Variants in CHCHD7 observed in about 807,000 individuals in gnomAD.
CHCHD7 encodes the protein coiled-coil-helix-coiled-coil-helix domain containing 7.
Under a neutral mutation model 10.5 loss-of-function variants are expected in CHCHD7, and 7 were observed. The ratio of observed to expected loss-of-function variants is 0.67; its 90% confidence interval spans 0.38 to 1.25. The LOEUF (loss-of-function observed/expected upper bound fraction) is 1.25, where lower values mean the gene tolerates loss of function less well. Ranked by LOEUF, CHCHD7 falls within the 50% of genes most tolerant of loss-of-function variation. The pLI is 0.02. For synonymous variants in CHCHD7, 40 were observed against 36.0 expected (o/e 1.11, Z -0.40); for missense variants, 100 against 104.5 (o/e 0.96, Z 0.19).
chr8:56,212,023 G>A (rs1489892860), intron 1 of CHCHD7, 186 bp downstream of exon 1: 2 of 152,856 alleles, frequency 1.3e-5, no homozygotes, highest in African/African-American at 2.4e-5. Flanking sequence ...TCGCTCCGGG[G>A]GCGAGGAAGA....
chr8:56,214,656 C>T lies in CHCHD7; in HGVS notation c.43C>T (p.Pro15Ser), dbSNP rs985304961. 1 of 1,612,928 alleles carries T rather than the reference C, an allele frequency of 6.2e-7. No individual in the cohort carries two copies. The change falls in exon 2 of 4, where the codon CCT becomes TCT. Residue 15 changes from proline to serine, a missense_variant. Transcript: ENST00000355315. ...GAGGCTGAGAGATCCTGACATAAATCCTTGTTTGTCGGTAGGATGGTTTGC... is the reference window on the plus strand; with the variant it reads ...GAGGCTGAGAGATCCTGACATAAATTCTTGTTTGTCGGTAGGATGGTTTGC... ...TQRLRDPDINPCLSESDASTR... is the reference protein window; with the variant it reads ...TQRLRDPDINSCLSESDASTR...
At chr8:56,214,689 T>G in intron 2 of CHCHD7, 22 bp downstream of exon 2, 1 of 1,598,982 alleles carries the variant, frequency 6.3e-7, no homozygotes, top group Admixed American at 1.7e-5. Flanking sequence ...TGCTTTAATT[T>G]TCATGAGTGT....
At chr8:56,214,473 G>A in intron 1 of CHCHD7, 125 bp from the exon 2 acceptor site, 2 of 623,464 alleles carry the variant, frequency 3.2e-6, no homozygotes, top group East Asian at 2.8e-5. Flanking sequence ...GAGAATACAT[G>A]AAGTTCCTCA....
chr8:56,212,956 G>GTAT lies in CHCHD7; in HGVS notation c.-17+1119_-17+1120insTAT, dbSNP rs759857881. 1.7e-5 allele frequency: 21 copies of GTAT among 1,210,064 alleles called. No individual in the cohort carries two copies. The African/African-American group carries it at 3.2e-4, about 18-fold the overall frequency. The allele number at this position is 1,210,064 out of a possible 1,614,324, so 75.0% of individuals were successfully genotyped here. On this transcript the variant is annotated intron_variant, in intron 1 of 3. Coordinates refer to ENST00000355315, the MANE Select transcript of CHCHD7 (RefSeq NM_001011671.3). ...TGACTGACAATAAAATATAGAGTAGGATACTTTCATGTAAGGCACGAAACT... is the reference window on the plus strand; with the variant it reads ...TGACTGACAATAAAATATAGAGTAGGTATATACTTTCATGTAAGGCACGAAACT...
Position 56,214,654 on chromosome 8 carries a change from A to G in CHCHD7, c.41A>G (p.Asn14Ser). 6.2e-7 allele frequency: 1 copy of G among 1,613,488 alleles called. No individual in the cohort carries two copies. Among genetic ancestry groups the G allele is most frequent in the South Asian group, 1.1e-5 (1 of 91,034 alleles). The change falls in exon 2 of 4, where the codon AAT (asparagine) becomes AGT (serine). Residue 14 changes from asparagine to serine, a missense_variant. Transcript: ENST00000355315. ...CAGAGGCTGAGAGATCCTGACATAA[A>G]TCCTTGTTTGTCGGTAGGATGGTTT... is the stretch of plus-strand genomic sequence containing the variant. ...VTQRLRDPDI[N>S]PCLSESDAST...
At chr8:56,216,704 T>C (rs750174958) in intron 3 of CHCHD7, 173 bp downstream of exon 3, 1 of 754,972 alleles carries the variant, frequency 1.3e-6, no homozygotes, top group Admixed American at 2.0e-5. Flanking sequence ...TGAGAGCTCT[T>C]GTTAGCTGCC....
At chr8:56,217,006 A>G in intron 3 of CHCHD7, 1 of 420,522 alleles carries the variant, frequency 2.4e-6, no homozygotes, top group South Asian at 2.3e-5. Flanking sequence ...CGCTTTGCTA[A>G]ATGCACTGTT....
In CHCHD7 at chr8:56,216,420, T is replaced by A. The variant is rs866530233; in HGVS notation, c.55-13T>A. The A allele has an allele frequency of 6.2e-7, 1 of 1,614,170 alleles. No homozygotes were observed. Among genetic ancestry groups the A allele is most frequent in the African/African-American group, 1.3e-5 (1 of 75,066 alleles). Reference sequence around the variant, plus strand: ...TTCTACCTTTTAAATGATGCCTCTCTTATATCTGTAAGGAATCTGATGCTT... The same window carrying A: ...TTCTACCTTTTAAATGATGCCTCTCATATATCTGTAAGGAATCTGATGCTT... On this transcript the variant is annotated splice_polypyrimidine_tract_variant and intron_variant, in intron 2 of 3. Transcript: ENST00000355315.
chr8:56,214,795 C>A, intron 2 of CHCHD7, 128 bp downstream of exon 2: 2 of 631,926 alleles, frequency 3.2e-6, no homozygotes, highest in Non-Finnish European at 2.8e-6. Context: ...TGTTGGCCAG[C>A]ATATCCTATT....
intron 3 of CHCHD7, among the ~76,000 whole-genome samples, 180 bp from the exon 4 acceptor site, chr8:56,217,150 AC>A (rs1161819582): frequency 6.6e-6 from 1 of 152,080 alleles, no homozygotes; most frequent in African/African-American, 2.4e-5. Flanking sequence ...TTTAATTGTT[AC>A]TAATTTAAAT....
rs138210370 is a variant in CHCHD7, at chr8:56,216,890, TTTTCTC to T, written c.153+361_153+366del. The stretch of plus-strand genomic sequence containing the variant: ...TCATGTTAGGCTTCAATTTCTGCCT[TTTTCTC>T]TCTCACTGCCATCCGTGGAAGTTAA... On this transcript the variant is annotated intron_variant, in intron 3 of 3. Transcript: ENST00000355315. 3,276 of 522,426 alleles carry T rather than the reference TTTTCTC, an allele frequency of 6.3e-3. 100 individuals carry two copies. Among genetic ancestry groups the T allele is most frequent in the African/African-American group, 0.058 (3,036 of 52,520 alleles). 32.4% of individuals were successfully genotyped at this position (522,426 alleles called of 1,614,324 possible).
chr8:56,215,585 C>G (rs1476468771), intron 2 of CHCHD7: 2 of 152,172 alleles, frequency 1.3e-5, no homozygotes, highest in African/African-American at 4.8e-5. Context: ...GAATCTAATG[C>G]TGCCACTGAT....
At chr8:56,212,587 CCTT>C in intron 1 of CHCHD7, 1 of 383,902 alleles carries the variant, frequency 2.6e-6, no homozygotes, top group Non-Finnish European at 4.7e-6. Flanking sequence ...TGTGGCCCCT[CCTT>C]CATATCTTTG....
chr8:56,212,748 C>T (rs941509489), intron 1 of CHCHD7: 119 of 744,370 alleles, frequency 1.6e-4, no homozygotes, highest in African/African-American at 1.0e-3. Context: ...TTGACATTTC[C>T]TCTTCAATTC....
rs1813352508 is a variant in CHCHD7, at chr8:56,216,450, C to T, written c.72C>T (p.Thr24=). 6.2e-7 allele frequency: 1 copy of T among 1,613,852 alleles called. No homozygotes were observed. Among genetic ancestry groups the T allele is most frequent in the South Asian group, 1.1e-5 (1 of 91,090 alleles). The change falls in exon 3 of 4, where the codon ACC becomes ACT. Residue 24 remains threonine, a synonymous_variant. Transcript: ENST00000355315. The part of the protein sequence containing the change: ...NPCLSESDAS[T]RCLDENNYDR... The stretch of plus-strand genomic sequence containing the variant: ...TCTGTAAGGAATCTGATGCTTCCAC[C>T]AGATGTCTGGATGAAAATAACTATG...
chr8:56,216,654 A>G (rs759028238), intron 3 of CHCHD7, 123 bp downstream of exon 3: 8 of 1,006,876 alleles, frequency 7.9e-6, no homozygotes, highest in South Asian at 5.4e-5. Context: ...TAACTTTTCA[A>G]CTTTATCCTC....
At chr8:56,214,839 C>G (rs889765190) in intron 2 of CHCHD7, 172 bp downstream of exon 2, 1 of 497,970 alleles carries the variant, frequency 2.0e-6, no homozygotes, top group Non-Finnish European at 3.6e-6. Flanking sequence ...TATAATTTCT[C>G]TAACAAACAT....
rs566674667 is a variant in CHCHD7, at chr8:56,218,241, CAG to C, written c.*807_*808del. On this transcript the variant is annotated 3_prime_UTR_variant, in exon 4 of 4. Coordinates refer to ENST00000355315, the MANE Select transcript of CHCHD7 (RefSeq NM_001011671.3). The stretch of plus-strand genomic sequence containing the variant: ...GGATGAGTTGGGCAGGGAAAAGGGT[CAG>C]GGTTCATCAGGTGAACTCAACACTG... The C allele has an allele frequency of 3.9e-4, 88 of 228,372 alleles. No individual in the cohort carries two copies. Among genetic ancestry groups the C allele is most frequent in the African/African-American group, 1.8e-3 (81 of 45,168 alleles). 14.1% of individuals were successfully genotyped at this position (228,372 alleles called of 1,614,324 possible).
intron 1 of CHCHD7, chr8:56,212,758 C>T: frequency 1.3e-6 from 1 of 785,462 alleles, no homozygotes; most frequent in South Asian, 1.5e-5. Context: ...CTCTTCAATT[C>T]CAGTTAATAC....
Sources: gnomAD v4.1 joint callset for allele counts (sites outside exome capture counted in the v4.1 genomes callset) on GRCh38, gnomAD v4.1.1 for gene constraint, MANE v1.5 for transcripts, NCBI Gene and HGNC (gene_info 2026-07-23, HGNC 2026-07-21) for gene names.